Variants in EIF3E observed in about 807,000 individuals in gnomAD.
EIF3E encodes the protein eIF-3 p48.
Under a neutral mutation model 59.3 loss-of-function variants are expected in EIF3E, and 25 were observed. That is an observed-to-expected ratio of 0.42 (90% CI 0.31 to 0.59). The LOEUF (loss-of-function observed/expected upper bound fraction) is 0.59, where lower values mean the gene tolerates loss of function less well. EIF3E is among the 20% of genes least tolerant of loss of function. The probability of loss-of-function intolerance (pLI) is 0.15; values close to 1 mark genes in which losing one functional copy is unlikely to be tolerated. For synonymous variants in EIF3E, 176 were observed against 170.2 expected (o/e 1.03, Z -0.26); for missense variants, 317 against 534.3 (o/e 0.59, Z 4.01).
intron 7 of EIF3E, among the ~76,000 whole-genome samples, chr8:108,226,495 CTACA>C (rs1170284989): frequency 2.0e-5 from 3 of 152,182 alleles, no homozygotes; most frequent in Admixed American, 2.0e-4. Flanking sequence ...TGCGCCCGGC[CTACA>C]TTCAATAATT....
At chr8:108,234,653 A>C (rs1815690790) in intron 5 of EIF3E, 1 of 159,508 alleles carries the variant, frequency 6.3e-6, no homozygotes. Flanking sequence ...TTACTCAACA[A>C]TATTAATTAA....
intron 10 of EIF3E, among the ~76,000 whole-genome samples, chr8:108,204,770 G>C (rs548463649): frequency 2.4e-5 from 3 of 126,622 alleles, no homozygotes; most frequent in East Asian, 2.2e-4. Flanking sequence ...GAGAGAGAGA[G>C]AGAGAGAGAG....
chr8:108,213,355 AT>A (rs1815245280), intron 10 of EIF3E, among the ~76,000 whole-genome samples: 2 of 152,206 alleles, frequency 1.3e-5, no homozygotes, highest in Admixed American at 1.3e-4. Flanking sequence ...AAATATTTAT[AT>A]TGTATACTCA....
rs1285190980 is a variant in EIF3E, at chr8:108,248,691, G to A, written c.12C>T (p.Tyr4=). MAE[Y]DLTTRIAHFL... ...AGTGCGCGATGCGAGTAGTCAAGTC[G>A]TACTCCGCCATCTTGCCAAAGAAAA... Residue 4 remains tyrosine (Y), a synonymous_variant, in exon 1 of 13, where the codon TAC becomes TAT. Coordinates refer to ENST00000220849, the MANE Select transcript of EIF3E (RefSeq NM_001568.3). 1.2e-6 allele frequency: 2 copies of A among 1,614,010 alleles called. No individual in the cohort carries two copies. Among genetic ancestry groups the A allele is most frequent in the Non-Finnish European group, 1.7e-6 (2 of 1,180,018 alleles).
intron 7 of EIF3E, among the ~76,000 whole-genome samples, chr8:108,226,951 T>C (rs1374281597): frequency 6.6e-6 from 1 of 152,220 alleles, no homozygotes; most frequent in Admixed American, 6.5e-5. Flanking sequence ...ATGAAACCAT[T>C]TTCATTTCTA....
intron 7 of EIF3E, among the ~76,000 whole-genome samples, chr8:108,220,688 C>T (rs541298226): frequency 6.6e-6 from 1 of 152,340 alleles, no homozygotes; most frequent in Non-Finnish European, 1.5e-5. Flanking sequence ...CACTTTCAAT[C>T]TCTCCCCAGA....
chr8:108,215,272 A>T (rs1815280322), intron 9 of EIF3E, among the ~76,000 whole-genome samples: 1 of 151,816 alleles, frequency 6.6e-6, no homozygotes, highest in Non-Finnish European at 1.5e-5. Context: ...CTACAAAAAA[A>T]AACACCAATT....
At chr8:108,245,507 A>C (rs1461848800) in intron 1 of EIF3E, among the ~76,000 whole-genome samples, 1 of 152,216 alleles carries the variant, frequency 6.6e-6, no homozygotes, top group South Asian at 2.1e-4. Context: ...TCTGTCCCAG[A>C]AGAGCGTAGT....
chr8:108,243,638 G>GA (rs779684560), intron 1 of EIF3E, among the ~76,000 whole-genome samples: 24,691 of 71,176 alleles, frequency 0.35, 2,755 homozygotes, highest in Middle Eastern at 0.43. Flanking sequence ...CAAAAAAAAA[G>GA]AAAAAAAAAA....
intron 10 of EIF3E, among the ~76,000 whole-genome samples, chr8:108,208,497 T>C (rs189393446): frequency 5.0e-4 from 76 of 152,248 alleles, no homozygotes; most frequent in African/African-American, 1.6e-3. Flanking sequence ...TAAATCCTTA[T>C]GTGAAAACTG....
At chr8:108,216,340 C>T in intron 9 of EIF3E, 72 bp downstream of exon 9, 1 of 1,127,174 alleles carries the variant, frequency 8.9e-7, no homozygotes, top group Non-Finnish European at 1.3e-6. Context: ...AAGGAAGACA[C>T]TGCAAGATTA....
intron 10 of EIF3E, among the ~76,000 whole-genome samples, chr8:108,203,988 T>C (rs1030271347): frequency 6.6e-6 from 1 of 151,976 alleles, no homozygotes; most frequent in African/African-American, 2.4e-5. Flanking sequence ...CAATACAGTA[T>C]AACACCTATT....
chr8:108,230,437 A>G (rs959480645), intron 5 of EIF3E, among the ~76,000 whole-genome samples: 3 of 152,180 alleles, frequency 2.0e-5, no homozygotes, highest in Non-Finnish European at 2.9e-5. Flanking sequence ...AGATAGGTAT[A>G]CAGATTTACA....
At chr8:108,225,367 G>T (rs1324913418) in intron 7 of EIF3E, among the ~76,000 whole-genome samples, 1 of 151,520 alleles carries the variant, frequency 6.6e-6, no homozygotes, top group Non-Finnish European at 1.5e-5. Context: ...GTTCATGAAT[G>T]TGGTTTTTCT....
intron 7 of EIF3E, chr8:108,221,429 T>C (rs1195261655): frequency 6.6e-6 from 1 of 152,198 alleles, no homozygotes; most frequent in Admixed American, 6.5e-5. Context: ...TTTGAGAACA[T>C]GTGACAGTTG....
In EIF3E at chr8:108,235,067, A is replaced by G. The variant is rs771715727; in HGVS notation, c.402T>C (p.Tyr134=). The change falls in exon 5 of 13, where the codon TAT becomes TAC. Residue 134 remains tyrosine, a synonymous_variant. Coordinates refer to ENST00000220849, the MANE Select transcript of EIF3E (RefSeq NM_001568.3). ...TCCCACATTCGTACTGGAATTTTGCATATCTGTAGAGTGTATCTAAATATT... is the reference window on the plus strand; with the variant it reads ...TCCCACATTCGTACTGGAATTTTGCGTATCTGTAGAGTGTATCTAAATATT... ...RQEYLDTLYR[Y]AKFQYECGNY... is the part of the protein sequence containing the mutation. 29 of 1,595,426 alleles carry G rather than the reference A, an allele frequency of 1.8e-5. No individual in the cohort carries two copies. Among genetic ancestry groups the G allele is most frequent in the Non-Finnish European group, 2.2e-5 (26 of 1,173,950 alleles).
intron 7 of EIF3E, among the ~76,000 whole-genome samples, chr8:108,217,943 G>A (rs1446868521): frequency 1.3e-5 from 2 of 152,154 alleles, no homozygotes; most frequent in Non-Finnish European, 2.9e-5. Flanking sequence ...ACAAGACATT[G>A]GTTAAAGTGG....
chr8:108,243,760 A>G (rs2594357), intron 1 of EIF3E, among the ~76,000 whole-genome samples: 87,462 of 151,158 alleles, frequency 0.58, 25,227 homozygotes, highest in Middle Eastern at 0.62. Flanking sequence ...CAGTACATTT[A>G]TATTTGTGTA....
chr8:108,216,372 TAAG>T, intron 9 of EIF3E, 37 bp downstream of exon 9: 1 of 1,466,134 alleles, frequency 6.8e-7, no homozygotes, highest in Non-Finnish European at 9.3e-7. Context: ...TCCAAAAATT[TAAG>T]AATAGTATTA....
Sources: allele counts gnomAD v4.1 joint callset (sites outside exome capture counted in the v4.1 genomes callset), GRCh38; gene constraint gnomAD v4.1.1; transcripts MANE v1.5; gene names NCBI Gene and HGNC (gene_info 2026-07-23, HGNC 2026-07-21).